The following FOXP2 variants were observed in gnomAD, a reference collection of about 807,000 sequenced individuals.
FOXP2 encodes forkhead box P2.
A neutral mutation model predicts 115.8 loss-of-function variants in FOXP2; 12 were observed. The observed-to-expected ratio is 0.10, with a 90% CI of 0.07 to 0.17. The LOEUF (loss-of-function observed/expected upper bound fraction) is 0.17. FOXP2 is among the 10% of genes least tolerant of loss of function. The pLI is 1.00. For missense variants in FOXP2, 629 were observed against 843.5 expected, an observed-to-expected ratio of 0.75 and a Z score of 3.15; for synonymous variants, 328 against 297.7, an observed-to-expected ratio of 1.10 and a Z score of -1.05.
chr7:114,219,848 T>A (rs1199032945), intron 1 of FOXP2, among the ~76,000 whole-genome samples: 1 of 151,934 alleles, frequency 6.6e-6, no homozygotes, highest in East Asian at 1.9e-4. Flanking sequence ...GTGAGGGTTT[T>A]TTTTTTGTTT....
chr7:114,258,230 A>C (rs1450937718), intron 1 of FOXP2, among the ~76,000 whole-genome samples: 1 of 152,178 alleles, frequency 6.6e-6, no homozygotes, highest in Admixed American at 6.5e-5. Flanking sequence ...TGGTAATTCA[A>C]GAAGCTGAAT....
chr7:114,097,781 T>A (rs978578749), intron 1 of FOXP2, among the ~76,000 whole-genome samples: 2 of 152,228 alleles, frequency 1.3e-5, no homozygotes, highest in Admixed American at 6.5e-5. Flanking sequence ...CTGATTGATA[T>A]AAGACCCAGT....
chr7:114,552,985 A>T (rs1181790310), intron 3 of FOXP2, among the ~76,000 whole-genome samples: 3 of 152,118 alleles, frequency 2.0e-5, no homozygotes, highest in African/African-American at 7.2e-5. Context: ...TAAATAGAAA[A>T]TAGTTCTCTC....
Position 114,689,913 on chromosome 7 carries a change from A to C in FOXP2, c.2135A>C (p.Glu712Ala). Reference sequence around the variant, plus strand: ...GAGATTGAAGAAGAGCCTTTATCTGAAGATCTGGAATGAGAACTGACTTGT... The same window carrying C: ...GAGATTGAAGAAGAGCCTTTATCTGCAGATCTGGAATGAGAACTGACTTGT... ...DREIEEEPLS[E>A]DLE is the part of the protein sequence containing the mutation. Residue 712 changes from glutamate to alanine, a missense_variant, in exon 17 of 17, where the codon GAA becomes GCA. Coordinates refer to ENST00000350908, the MANE Select transcript of FOXP2 (RefSeq NM_014491.4). The C allele has an allele frequency of 6.2e-7, 1 of 1,613,268 alleles. No individual in the cohort carries two copies. The highest frequency in any genetic ancestry group is 8.5e-7 in the Non-Finnish European group (1 of 1,179,442).
intron 3 of FOXP2, among the ~76,000 whole-genome samples, chr7:114,601,025 A>G (rs967707087): frequency 1.3e-4 from 20 of 150,652 alleles, no homozygotes; most frequent in Non-Finnish European, 2.2e-4. Context: ...GTGCAGTGGC[A>G]TGATCTCAGC....
chr7:114,289,111 G>A (rs551001305), intron 2 of FOXP2, among the ~76,000 whole-genome samples: 1 of 151,692 alleles, frequency 6.6e-6, no homozygotes, highest in South Asian at 2.1e-4. Flanking sequence ...TATTTCCCAG[G>A]TATTTTACCT....
At chr7:114,277,024 C>G (rs1037944970) in intron 1 of FOXP2, among the ~76,000 whole-genome samples, 2 of 151,924 alleles carry the variant, frequency 1.3e-5, no homozygotes, top group Admixed American at 1.3e-4. Flanking sequence ...TTAAGATTGC[C>G]TAAAGAGATC....
Position 114,644,717 on chromosome 7 carries a change from C to A in FOXP2, c.1022C>A (p.Thr341Asn). The A allele has an allele frequency of 6.2e-7, 1 of 1,613,974 alleles. No homozygotes were observed. ...SSHEETGASH[T>N]LYGHGVCKWP... ...CATGAGGAGACTGGGGCCTCTCACA[C>A]TCTCTATGGCCATGGAGTTTGCAAA... is the stretch of plus-strand genomic sequence containing the variant. The change falls in exon 8 of 17, where the codon ACT becomes AAT. Residue 341 changes from threonine (T) to asparagine (N), a missense_variant. Coordinates refer to ENST00000350908, the MANE Select transcript of FOXP2 (RefSeq NM_014491.4).
At chr7:114,212,564 A>T (rs1455993288) in intron 1 of FOXP2, among the ~76,000 whole-genome samples, 1 of 152,110 alleles carries the variant, frequency 6.6e-6, no homozygotes, top group African/African-American at 2.4e-5. Flanking sequence ...AAAAGAAAAA[A>T]AAAAACAAGG....
chr7:114,485,185 A>G (rs1278938317), intron 2 of FOXP2, among the ~76,000 whole-genome samples: 3 of 151,974 alleles, frequency 2.0e-5, no homozygotes, highest in Non-Finnish European at 4.4e-5. Context: ...ATTTGGTCTC[A>G]ATTAATCTCA....
intron 2 of FOXP2, among the ~76,000 whole-genome samples, chr7:114,476,234 T>C (rs1043181757): frequency 2.6e-5 from 4 of 151,528 alleles, no homozygotes; most frequent in Non-Finnish European, 4.4e-5. Flanking sequence ...TGTTGTCTTA[T>C]AGGATTTTTG....
intron 2 of FOXP2, among the ~76,000 whole-genome samples, chr7:114,515,601 G>T (rs1798297554): frequency 6.6e-6 from 1 of 151,964 alleles, no homozygotes; most frequent in African/African-American, 2.4e-5. Context: ...TGAGTTCATT[G>T]TAGATTCTGG....
chr7:114,333,524 G>A (rs931714668), intron 2 of FOXP2, among the ~76,000 whole-genome samples: 6 of 152,182 alleles, frequency 3.9e-5, no homozygotes, highest in African/African-American at 7.2e-5. Context: ...AGGCCGAGGC[G>A]GGCCGATCAT....
chr7:114,657,941 T>C (rs541158746), intron 10 of FOXP2, 125 bp from the exon 11 acceptor site: 1 of 971,760 alleles, frequency 1.0e-6, no homozygotes, highest in South Asian at 1.4e-5. Context: ...GATTGGCTGC[T>C]TCCTTTTGCA....
chr7:114,492,893 T>C (rs1797132210), intron 2 of FOXP2, among the ~76,000 whole-genome samples: 1 of 152,140 alleles, frequency 6.6e-6, no homozygotes, highest in Non-Finnish European at 1.5e-5. Context: ...ATTCTGTTGA[T>C]TTGGGGTGGA....
intron 2 of FOXP2, among the ~76,000 whole-genome samples, chr7:114,504,200 G>A (rs987091736): frequency 2.6e-4 from 40 of 151,496 alleles, no homozygotes; most frequent in African/African-American, 9.7e-4. Context: ...TAATTTACTT[G>A]TCAAAATCTT....
chr7:114,516,308 G>A (rs1313041386), intron 2 of FOXP2, among the ~76,000 whole-genome samples: 1 of 152,152 alleles, frequency 6.6e-6, no homozygotes, highest in Non-Finnish European at 1.5e-5. Context: ...AAGCAATGGG[G>A]AAAGGATTTC....
intron 1 of FOXP2, among the ~76,000 whole-genome samples, chr7:114,185,705 A>G (rs1793576621): frequency 6.6e-6 from 1 of 152,176 alleles, no homozygotes; most frequent in African/African-American, 2.4e-5. Context: ...ATTCATGCTC[A>G]CTAGCAAGAA....
In FOXP2 at chr7:114,332,610, CTT is replaced by C. The variant is rs373804302; in HGVS notation, c.-11+44506_-11+44507del. ...TTTATTTGTCTTTTTCTGAGCATCT[CTT>C]TTTTATTTTCCCTCTCCTGACTGCA... On this transcript the variant is annotated intron_variant, in intron 2 of 17. Coordinates refer to the FOXP2 transcript ENST00000634411. Among the ~76,000 whole-genome samples the C allele has an allele frequency of 5.7e-4, 86 of 152,158 alleles. 1 individual carries two copies. The East Asian group carries it at 0.015, about 27-fold the overall frequency.
Sources: allele counts gnomAD v4.1 joint callset (sites outside exome capture counted in the v4.1 genomes callset), GRCh38; gene constraint gnomAD v4.1.1; transcripts MANE v1.5; gene names NCBI Gene and HGNC (gene_info 2026-07-23, HGNC 2026-07-21).